Variants in ADAMTSL1 observed in about 807,000 individuals in gnomAD.
ADAMTSL1 encodes ADAMTS like 1.
A neutral mutation model predicts 201.8 loss-of-function variants in ADAMTSL1; 126 were observed. The ratio of observed to expected loss-of-function variants is 0.62; its 90% CI spans 0.54 to 0.72. ADAMTSL1 has a LOEUF of 0.72. Ranked by LOEUF, ADAMTSL1 falls within the 30% of genes least tolerant of loss-of-function variation. The pLI, the probability that ADAMTSL1 is intolerant of heterozygous loss-of-function variation, is 0.00. For missense variants in ADAMTSL1, 2,679 were observed against 2,277.8 expected (o/e 1.18, Z -3.59); for synonymous variants, 1,121 against 903.4 (o/e 1.24, Z -4.32).
intron 1 of ADAMTSL1, among the ~76,000 whole-genome samples, chr9:18,048,543 C>T (rs1448778204): frequency 1.3e-5 from 2 of 151,998 alleles, no homozygotes; most frequent in African/African-American, 4.8e-5. Context: ...GTAAATGTAA[C>T]ATGGGAGATG....
intron 2 of ADAMTSL1, among the ~76,000 whole-genome samples, chr9:18,462,814 C>A (rs962456354): frequency 3.3e-5 from 5 of 151,978 alleles, no homozygotes; most frequent in African/African-American, 1.2e-4. Flanking sequence ...TGGCACGCAC[C>A]TGTAATTCTA....
At chr9:18,381,843 G>A (rs1347659179) in intron 2 of ADAMTSL1, among the ~76,000 whole-genome samples, 1 of 151,968 alleles carries the variant, frequency 6.6e-6, no homozygotes, top group African/African-American at 2.4e-5. Context: ...ACCGTCATCA[G>A]TAAGGATGAT....
At chr9:18,411,479 G>C (rs1016191896) in intron 2 of ADAMTSL1, among the ~76,000 whole-genome samples, 1 of 152,106 alleles carries the variant, frequency 6.6e-6, no homozygotes, top group Non-Finnish European at 1.5e-5. Context: ...GATTATAGGC[G>C]TGAGCCGCCA....
At chr9:18,139,811 A>C (rs1826321182) in intron 1 of ADAMTSL1, among the ~76,000 whole-genome samples, 1 of 152,100 alleles carries the variant, frequency 6.6e-6, no homozygotes, top group South Asian at 2.1e-4. Flanking sequence ...AGAAAATTTC[A>C]AATATATATC....
intron 14 of ADAMTSL1, among the ~76,000 whole-genome samples, chr9:18,710,819 C>T (rs1004237787): frequency 1.4e-4 from 21 of 151,976 alleles, no homozygotes; most frequent in East Asian, 3.9e-4. Context: ...TACATCCAAA[C>T]GTTAATGCAT....
At position 18,654,137 on chromosome 9, in the gene ADAMTSL1, G is replaced by T. The variant is rs556039834; in HGVS notation, c.835-3502G>T. Among the ~76,000 whole-genome samples the T allele has an allele frequency of 2.6e-5, 4 of 152,354 alleles. No homozygotes were observed. In the South Asian group the frequency reaches 8.3e-4, roughly 32 times the overall value. On this transcript the variant is annotated intron_variant, in intron 7 of 28. Coordinates refer to ENST00000380548, the MANE Select transcript of ADAMTSL1 (RefSeq NM_001040272.6). Reference sequence around the variant, plus strand: ...CCAGCTACTCAGGAGGTTGAGGCAGGAAAATTGCTTGAACCCAGGAGACAG... The same window carrying T: ...CCAGCTACTCAGGAGGTTGAGGCAGTAAAATTGCTTGAACCCAGGAGACAG...
intron 1 of ADAMTSL1, among the ~76,000 whole-genome samples, chr9:18,022,119 C>A (rs1215460649): frequency 6.6e-6 from 1 of 152,078 alleles, no homozygotes; most frequent in Non-Finnish European, 1.5e-5. Flanking sequence ...TGTGTCTAAA[C>A]CACCCACCTT....
chr9:18,519,739 A>G (rs1818569955), intron 2 of ADAMTSL1, among the ~76,000 whole-genome samples: 1 of 152,226 alleles, frequency 6.6e-6, no homozygotes, highest in Non-Finnish European at 1.5e-5. Context: ...AAGCGTGTTA[A>G]CCAGGAAGCA....
At chr9:18,828,048 T>C (rs1311136333) in intron 22 of ADAMTSL1, among the ~76,000 whole-genome samples, 1 of 152,246 alleles carries the variant, frequency 6.6e-6, no homozygotes, top group Admixed American at 6.5e-5. Context: ...TGACTTAACC[T>C]GTACTATGAG....
chr9:18,451,562 C>T (rs1035133610), intron 2 of ADAMTSL1, among the ~76,000 whole-genome samples: 3 of 152,192 alleles, frequency 2.0e-5, no homozygotes, highest in African/African-American at 7.2e-5. Flanking sequence ...TTCTATTACT[C>T]AACCAGCTCT....
intron 2 of ADAMTSL1, among the ~76,000 whole-genome samples, chr9:18,310,651 T>G (rs1192487061): frequency 6.6e-6 from 1 of 152,082 alleles, no homozygotes; most frequent in African/African-American, 2.4e-5. Context: ...AAAACCACAA[T>G]GAGATACCAT....
intron 19 of ADAMTSL1, among the ~76,000 whole-genome samples, chr9:18,781,174 G>C (rs917551023): frequency 6.6e-6 from 1 of 151,688 alleles, no homozygotes; most frequent in Non-Finnish European, 1.5e-5. Flanking sequence ...CAGGTGCAAA[G>C]AACACTAAAG....
At chr9:18,187,050 C>A (rs1828769379) in intron 2 of ADAMTSL1, among the ~76,000 whole-genome samples, 1 of 152,122 alleles carries the variant, frequency 6.6e-6, no homozygotes, top group African/African-American at 2.4e-5. Flanking sequence ...CTCTTGAGAG[C>A]AAAATTGTTT....
intron 2 of ADAMTSL1, among the ~76,000 whole-genome samples, chr9:18,386,959 T>C (rs1412036884): frequency 6.6e-6 from 1 of 152,130 alleles, no homozygotes; most frequent in Non-Finnish European, 1.5e-5. Flanking sequence ...AATCAAGGTG[T>C]CCAAGAAAGC....
At chr9:17,976,479 T>C (rs974554857) in intron 1 of ADAMTSL1, among the ~76,000 whole-genome samples, 1 of 152,210 alleles carries the variant, frequency 6.6e-6, no homozygotes, top group East Asian at 1.9e-4. Flanking sequence ...CACATTCTTT[T>C]TGATACAATT....
intron 1 of ADAMTSL1, among the ~76,000 whole-genome samples, chr9:18,054,485 G>C (rs367787460): frequency 1.3e-5 from 2 of 152,178 alleles, no homozygotes; most frequent in East Asian, 1.9e-4. Flanking sequence ...TCATTATTCT[G>C]TATATAGGTC....
intron 21 of ADAMTSL1, among the ~76,000 whole-genome samples, chr9:18,825,301 C>T (rs1220089632): frequency 6.6e-6 from 1 of 152,176 alleles, no homozygotes; most frequent in African/African-American, 2.4e-5. Context: ...GCCTGGCTTC[C>T]AAAGAGAGAG....
chr9:18,016,912 T>A (rs1820281830), intron 1 of ADAMTSL1, among the ~76,000 whole-genome samples: 1 of 151,974 alleles, frequency 6.6e-6, no homozygotes, highest in African/African-American at 2.4e-5. Context: ...TTTCTGTGAA[T>A]TAAATATGAA....
intron 1 of ADAMTSL1, among the ~76,000 whole-genome samples, chr9:17,908,791 G>A (rs368107330): frequency 6.6e-6 from 1 of 152,156 alleles, no homozygotes; most frequent in Admixed American, 6.5e-5. Flanking sequence ...ATGGCCCCAT[G>A]TGTCTTTATA....
Sources: gnomAD v4.1 joint callset for allele counts (sites outside exome capture counted in the v4.1 genomes callset) on GRCh38, gnomAD v4.1.1 for gene constraint, MANE v1.5 for transcripts, NCBI Gene and HGNC (gene_info 2026-07-23, HGNC 2026-07-21) for gene names.